The following DCAF8L2 variants were observed in gnomAD, a reference collection of about 807,000 sequenced individuals.
The protein encoded by DCAF8L2 is DDB1- and CUL4-associated factor 8-like protein 2.
For missense variants in DCAF8L2, 430 were observed against 490.7 expected (o/e 0.88, Z 1.17); for synonymous variants, 200 against 190.9 (o/e 1.05, Z -0.39).
chrX:27,482,865 A>G, the DCAF8L2 span, among the ~76,000 whole-genome samples: 1 of 111,197 alleles, frequency 9.0e-6, no homozygotes, highest in South Asian at 3.8e-4. Flanking sequence ...TGAGATTACC[A>G]CTCCATATTT....
rs1431192056 is a variant in DCAF8L2 at position 27,747,446 on chromosome X, G to A, written c.551G>A (p.Arg184Gln). Reference sequence around the variant, plus strand: ...TCCTCAGAGACATCTGCCCTGCCCCGACCTCGCTGGCAGGTCGTTACTGCT... The same window carrying A: ...TCCTCAGAGACATCTGCCCTGCCCCAACCTCGCTGGCAGGTCGTTACTGCT... ...WVSSETSALP[R>Q]PRWQVVTALH... Residue 184 changes from arginine to glutamine, a missense_variant, in exon 5 of 5, where the codon CGA (arginine) becomes CAA (glutamine). Arg to Gln is a conservative substitution (Grantham distance 43, BLOSUM62 1). Coordinates refer to ENST00000451261, the MANE Select transcript of DCAF8L2 (RefSeq NM_001353450.2). 7 of 1,174,674 alleles carry A rather than the reference G, an allele frequency of 6.0e-6. No individual in the cohort carries two copies. The South Asian group carries it at 1.3e-4, about 22-fold the overall frequency.
At chrX:27,496,429 A>G in the DCAF8L2 span, among the ~76,000 whole-genome samples, 3,730 of 111,561 alleles carry the variant, frequency 0.033, 141 homozygotes, top group African/African-American at 0.11. Flanking sequence ...ACTCTGGGCA[A>G]TCACTAATCT....
At chrX:27,557,519 A>G in the DCAF8L2 span, among the ~76,000 whole-genome samples, 1 of 111,939 alleles carries the variant, frequency 8.9e-6, no homozygotes, top group East Asian at 2.8e-4. Context: ...TAGATTCTAT[A>G]AGAGTAGTTG....
chrX:27,563,466 C>A, the DCAF8L2 span, among the ~76,000 whole-genome samples: 1 of 112,050 alleles, frequency 8.9e-6, no homozygotes, highest in Non-Finnish European at 1.9e-5. Flanking sequence ...ATATTTCTCA[C>A]ATTTTTCTAG....
the DCAF8L2 span, among the ~76,000 whole-genome samples, chrX:27,547,696 T>A: frequency 9.0e-6 from 1 of 111,147 alleles, no homozygotes; most frequent in Admixed American, 9.5e-5. Flanking sequence ...GTGGTCCCCA[T>A]AATCCAGTCT....
At chrX:27,535,398 C>T in the DCAF8L2 span, among the ~76,000 whole-genome samples, 1 of 111,644 alleles carries the variant, frequency 9.0e-6, no homozygotes, top group East Asian at 2.8e-4. Context: ...ATAATTATGA[C>T]ATTTACTGTT....
intron 1 of DCAF8L2, among the ~76,000 whole-genome samples, chrX:27,628,194 T>G (rs1036188358): frequency 8.9e-6 from 1 of 111,760 alleles, no homozygotes; most frequent in Non-Finnish European, 1.9e-5. Flanking sequence ...GTATTTGTCC[T>G]ATGGCTGGCT....
At chrX:27,602,215 A>G (rs1012272091) in intron 1 of DCAF8L2, among the ~76,000 whole-genome samples, 1 of 110,722 alleles carries the variant, frequency 9.0e-6, no homozygotes, top group African/African-American at 3.3e-5. Flanking sequence ...TTGTATTTTT[A>G]GTAGAGACGG....
upstream of DCAF8L2, among the ~76,000 whole-genome samples, chrX:27,588,226 C>T (rs768611119): frequency 9.2e-6 from 1 of 109,038 alleles, no homozygotes; most frequent in Admixed American, 9.9e-5. Flanking sequence ...GTTTAGCTCC[C>T]ACTTATAAGT....
the DCAF8L2 span, among the ~76,000 whole-genome samples, chrX:27,491,898 T>G: frequency 8.9e-6 from 1 of 112,434 alleles, no homozygotes; most frequent in Admixed American, 9.4e-5. Context: ...GAAATGGAAT[T>G]AAAATTTCAA....
At chrX:27,512,491 C>T in the DCAF8L2 span, among the ~76,000 whole-genome samples, 1 of 108,406 alleles carries the variant, frequency 9.2e-6, no homozygotes, top group Non-Finnish European at 1.9e-5. Flanking sequence ...CGAGACCAGC[C>T]TGGCCAACAT....
chrX:27,500,139 G>A, the DCAF8L2 span, among the ~76,000 whole-genome samples: 1 of 111,720 alleles, frequency 9.0e-6, no homozygotes. Flanking sequence ...ACCATAGGAT[G>A]TCTCTGTATT....
At chrX:27,611,368 T>C (rs977328016) in intron 1 of DCAF8L2, among the ~76,000 whole-genome samples, 27 of 107,761 alleles carry the variant, frequency 2.5e-4, no homozygotes, top group African/African-American at 8.4e-4. Flanking sequence ...TTTATTCATA[T>C]ATATATATAT....
the DCAF8L2 span, among the ~76,000 whole-genome samples, chrX:27,494,119 C>G: frequency 9.0e-6 from 1 of 111,719 alleles, no homozygotes; most frequent in Non-Finnish European, 1.9e-5. Flanking sequence ...TAGAAAATGA[C>G]TTTTGCGGCC....
At chrX:27,709,822 T>TGGACTGTTTCTGTGGCTGGCATGTTTA in intron 3 of DCAF8L2, among the ~76,000 whole-genome samples, 1 of 106,503 alleles carries the variant, frequency 9.4e-6, no homozygotes, top group Non-Finnish European at 2.0e-5. Context: ...GGCATGTTCA[T>TGGACTGTTTCTGTGGCTGGCATGTTTA]TTTTTTTTTT....
At chrX:27,713,638 G>T in intron 3 of DCAF8L2, among the ~76,000 whole-genome samples, 1 of 111,628 alleles carries the variant, frequency 9.0e-6, no homozygotes, top group East Asian at 2.8e-4. Flanking sequence ...CTAACCAAGG[G>T]AAAAGAAAAT....
the DCAF8L2 span, among the ~76,000 whole-genome samples, chrX:27,524,398 C>G: frequency 9.0e-6 from 1 of 111,575 alleles, no homozygotes; most frequent in Non-Finnish European, 1.9e-5. Flanking sequence ...TTTTTTATTG[C>G]ATCTATTTGA....
chrX:27,635,033 C>G (rs59364561), intron 2 of DCAF8L2, among the ~76,000 whole-genome samples: 1 of 110,114 alleles, frequency 9.1e-6, no homozygotes, highest in African/African-American at 3.3e-5. Flanking sequence ...AGAATAGTAC[C>G]TGTTTCATGG....
the DCAF8L2 span, among the ~76,000 whole-genome samples, chrX:27,584,436 A>T: frequency 1.2e-4 from 13 of 110,243 alleles, no homozygotes; most frequent in Non-Finnish European, 2.3e-4. Flanking sequence ...CTCATATTCA[A>T]TAACTTCAAT....
Sources: allele counts gnomAD v4.1 joint callset (sites outside exome capture counted in the v4.1 genomes callset), GRCh38; gene constraint gnomAD v4.1.1; transcripts MANE v1.5; gene names NCBI Gene and HGNC (gene_info 2026-07-23, HGNC 2026-07-21).